The following PRKACB variants were observed in gnomAD, a reference collection of about 807,000 sequenced individuals.
PRKACB encodes protein kinase cAMP-activated catalytic subunit beta.
Under a neutral mutation model 51.4 loss-of-function variants are expected in PRKACB, and 16 were observed. That is an observed-to-expected ratio of 0.31 (90% confidence interval 0.21 to 0.47). PRKACB has a LOEUF of 0.47. Among genes scored for constraint, PRKACB ranks in the 20% least tolerant of loss-of-function variants. The pLI, the probability that PRKACB is intolerant of heterozygous loss-of-function variation, is 1.00. For missense variants in PRKACB, 309 were observed against 464.5 expected, an observed-to-expected ratio of 0.67 and a Z score of 3.08; for synonymous variants, 147 against 154.4, an observed-to-expected ratio of 0.95 and a Z score of 0.35.
At chr1:84,132,736 G>A (rs866030367) in intron 1 of PRKACB, among the ~76,000 whole-genome samples, 53 of 152,106 alleles carry the variant, frequency 3.5e-4, no homozygotes, top group African/African-American at 1.2e-3. Flanking sequence ...CAGAAATGAA[G>A]AATGCCATTG....
At chr1:84,102,533 C>A (rs192885307) in intron 1 of PRKACB, among the ~76,000 whole-genome samples, 1 of 152,256 alleles carries the variant, frequency 6.6e-6, no homozygotes, top group African/African-American at 2.4e-5. Context: ...AGAGAAAGCC[C>A]TCTCCAAAGG....
chr1:84,128,153 C>T (rs1329772577), intron 1 of PRKACB, among the ~76,000 whole-genome samples: 2 of 151,190 alleles, frequency 1.3e-5, no homozygotes, highest in Non-Finnish European at 2.9e-5. Context: ...GAATTACAGG[C>T]GCCCACCACC....
intron 9 of PRKACB, among the ~76,000 whole-genome samples, chr1:84,216,433 G>A (rs932934812): frequency 6.6e-6 from 1 of 152,070 alleles, no homozygotes; most frequent in African/African-American, 2.4e-5. Flanking sequence ...CCAAAACAAT[G>A]TGAATGCAAT....
At chr1:84,179,025 C>G in intron 1 of PRKACB, 152 bp from the exon 2 acceptor site, 1 of 859,944 alleles carries the variant, frequency 1.2e-6, no homozygotes, top group Non-Finnish European at 1.7e-6. Context: ...TACTAAATAG[C>G]TCTTTAATGT....
intron 1 of PRKACB, chr1:84,175,923 C>T: frequency 2.6e-6 from 2 of 781,572 alleles, no homozygotes; most frequent in South Asian, 3.0e-5. Flanking sequence ...TGTGTGTCCT[C>T]TTTTTTGTAG....
At chr1:84,143,367 G>T (rs1019494618), upstream of PRKACB, among the ~76,000 whole-genome samples, 1 of 152,090 alleles carries the variant, frequency 6.6e-6, no homozygotes, top group Admixed American at 6.5e-5. Context: ...GGCGAGAATC[G>T]CTTGAACCTA....
rs1373648650 is a variant in PRKACB, at chr1:84,214,275, G to A, written c.1029G>A (p.Lys343=). The change falls in exon 9 of 10, where the codon AAG becomes AAA. Residue 343 remains lysine (K), a synonymous_variant. Transcript: ENST00000370685. ...KNGVSDIKTH[K]WFATTDWIAI... is the part of the protein sequence containing the mutation. ...GTGTCAGTGATATAAAAACTCACAA[G>A]TGGTTTGCCACGACAGATTGGATTG... 8 of 1,612,206 alleles carry A rather than the reference G, an allele frequency of 5.0e-6. No individual in the cohort carries two copies. Among genetic ancestry groups the A allele is most frequent in the East Asian group, 2.2e-5 (1 of 44,744 alleles).
chr1:84,164,498 A>G, intron 1 of PRKACB: 1 of 1,515,536 alleles, frequency 6.6e-7, no homozygotes, highest in East Asian at 2.5e-5. Context: ...GCTTAAATTT[A>G]AGAAATCTGG....
chr1:84,214,143 G>A lies in PRKACB; in HGVS notation c.907-10G>A. On this transcript the variant is annotated splice_polypyrimidine_tract_variant and intron_variant, in intron 8 of 9. Coordinates refer to ENST00000370685, the MANE Select transcript of PRKACB (RefSeq NM_182948.4). Reference sequence around the variant, plus strand: ...GAATGTGTGTTTTACCAAATGGTGTGTTTGTGTAGGTCCGATTCCCATCCC... The same window carrying A: ...GAATGTGTGTTTTACCAAATGGTGTATTTGTGTAGGTCCGATTCCCATCCC... 6.3e-7 allele frequency: 1 copy of A among 1,596,378 alleles called. No homozygotes were observed.
chr1:84,181,709 C>T lies in PRKACB; in HGVS notation c.250-491C>T, dbSNP rs746822016. 5 of 1,522,526 alleles carry T rather than the reference C, an allele frequency of 3.3e-6. No homozygotes were observed. In the African/African-American group the frequency reaches 4.1e-5, roughly 13 times the overall value. The allele number at this position is 1,522,526 out of a possible 1,614,324, so 94.3% of individuals were successfully genotyped here. Reference sequence around the variant, plus strand: ...AGCTTATATAAAGACAGAAATGAAGCAAGACTGATTTCTTCACAGGTAACT... The same window carrying T: ...AGCTTATATAAAGACAGAAATGAAGTAAGACTGATTTCTTCACAGGTAACT... On this transcript the variant is annotated intron_variant, in intron 2 of 9. Coordinates refer to ENST00000370685, the MANE Select transcript of PRKACB (RefSeq NM_182948.4).
intron 1 of PRKACB, among the ~76,000 whole-genome samples, chr1:84,160,003 G>T (rs568319134): frequency 1.3e-5 from 2 of 151,992 alleles, no homozygotes; most frequent in Non-Finnish European, 2.9e-5. Flanking sequence ...AAAGGTTTTT[G>T]CATCAATGTT....
In PRKACB at chr1:84,237,748, A is replaced by C. The variant is rs993591557; in HGVS notation, c.*2443A>C. 2 of 152,210 alleles carry C rather than the reference A, an allele frequency of 1.3e-5. No homozygotes were observed. The highest frequency in any genetic ancestry group is 4.8e-5 in the African/African-American group (2 of 41,472). 9.4% of individuals were successfully genotyped at this position (152,210 alleles called of 1,614,324 possible). A position where few individuals can be genotyped will look rare whatever the true frequency, so the allele number is the denominator to read the frequency against. ...TAACCTAAAATTACATATTTGAAAC[A>C]GAAGATATTATGTTATGCTCAGTAA... On this transcript the variant is annotated 3_prime_UTR_variant, in exon 10 of 10. Transcript: ENST00000370685.
At chr1:84,094,550 G>A (rs1192332033) in intron 1 of PRKACB, among the ~76,000 whole-genome samples, 6 of 151,862 alleles carry the variant, frequency 4.0e-5, no homozygotes, top group Admixed American at 3.9e-4. Flanking sequence ...GTTTCACTGT[G>A]TTCAGAGAAC....
chr1:84,170,752 A>G (rs1212560755), intron 1 of PRKACB, among the ~76,000 whole-genome samples: 1 of 151,750 alleles, frequency 6.6e-6, no homozygotes, highest in African/African-American at 2.4e-5. Flanking sequence ...AAATTATCAC[A>G]TATGACTACT....
At chr1:84,078,442 C>A in intron 1 of PRKACB, 3 of 1,566,238 alleles carry the variant, frequency 1.9e-6, no homozygotes, top group Non-Finnish European at 2.6e-6. Context: ...CTCCGGGTCG[C>A]AGCTTCTGAG....
At chr1:84,184,944 G>A (rs1664657403) in intron 4 of PRKACB, among the ~76,000 whole-genome samples, 156 bp from the exon 5 acceptor site, 1 of 151,910 alleles carries the variant, frequency 6.6e-6, no homozygotes, top group Non-Finnish European at 1.5e-5. Flanking sequence ...GAGTGTCTCT[G>A]TATAGAAAAG....
chr1:84,210,502 A>T (rs1671968770), intron 8 of PRKACB, among the ~76,000 whole-genome samples: 1 of 152,112 alleles, frequency 6.6e-6, no homozygotes, highest in South Asian at 2.1e-4. Context: ...AGATTAGGTT[A>T]TTTTCCCAAT....
rs1003530475 is a variant in PRKACB at position 84,237,899 on chromosome 1, T to C, written c.*2594T>C. 6.6e-6 allele frequency: 1 copy of C among 152,152 alleles called. No homozygotes were observed. Among genetic ancestry groups the C allele is most frequent in the African/African-American group, 2.4e-5 (1 of 41,448 alleles). The allele number at this position is 152,152 out of a possible 1,614,324, so 9.4% of individuals were successfully genotyped here. ...TCTCTTGTCTGTAAAATGGAAGAACTGGATTAGGCAGTTTGTAAGATTCCT... is the reference window on the plus strand; with the variant it reads ...TCTCTTGTCTGTAAAATGGAAGAACCGGATTAGGCAGTTTGTAAGATTCCT... On this transcript the variant is annotated 3_prime_UTR_variant, in exon 10 of 10. Coordinates refer to ENST00000370685, the MANE Select transcript of PRKACB (RefSeq NM_182948.4).
Position 84,145,603 on chromosome 1 carries a change from A to G in PRKACB, c.187+1055A>G, listed in dbSNP as rs1386563995. Reference sequence around the variant, plus strand: ...GAAATTTTTTTACATTCTTCAAACTATTTTTGGGAGATTGAGGAAGAACAT... The same window carrying G: ...GAAATTTTTTTACATTCTTCAAACTGTTTTTGGGAGATTGAGGAAGAACAT... On this transcript the variant is annotated intron_variant, in intron 1 of 9. Coordinates refer to ENST00000370685, the MANE Select transcript of PRKACB (RefSeq NM_182948.4). 3.9e-5 allele frequency among the ~76,000 whole-genome samples: 6 copies of G among 152,136 alleles called. No homozygotes were observed. The South Asian group carries it at 1.2e-3, about 32-fold the overall frequency.
Sources: allele counts gnomAD v4.1 joint callset (sites outside exome capture counted in the v4.1 genomes callset), GRCh38; gene constraint gnomAD v4.1.1; transcripts MANE v1.5; gene names NCBI Gene and HGNC (gene_info 2026-07-23, HGNC 2026-07-21).